RAD51B: variants seen among roughly 807,000 people sequenced by gnomAD.
RAD51B encodes the protein RAD51 paralog B.
Under a neutral mutation model 42.2 loss-of-function variants are expected in RAD51B, and 38 were observed. The observed-to-expected ratio is 0.90, with a 90% CI of 0.70 to 1.18. The LOEUF is 1.18. Ranked by LOEUF, RAD51B falls within the 50% of genes most tolerant of loss-of-function variation. RAD51B has a pLI of 0.00. For missense variants in RAD51B, 373 were observed against 400.7 expected, an observed-to-expected ratio of 0.93 and a Z score of 0.59; for synonymous variants, 154 against 145.2, an observed-to-expected ratio of 1.06 and a Z score of -0.43.
chr14:68,204,436 T>A (rs1318614945), intron 7 of RAD51B, among the ~76,000 whole-genome samples: 2 of 152,156 alleles, frequency 1.3e-5, no homozygotes, highest in African/African-American at 2.4e-5. Flanking sequence ...ACATCAAAGA[T>A]CACTGATCAC....
intron 10 of RAD51B, among the ~76,000 whole-genome samples, chr14:68,617,545 A>G (rs1004137587): frequency 1.3e-5 from 2 of 152,130 alleles, no homozygotes; most frequent in African/African-American, 4.8e-5. Flanking sequence ...CTTTTTTTAC[A>G]TGGTCCCCTC....
chr14:67,882,830 C>T (rs1413340583), intron 5 of RAD51B, among the ~76,000 whole-genome samples: 2 of 152,058 alleles, frequency 1.3e-5, no homozygotes, highest in African/African-American at 4.8e-5. Flanking sequence ...CTGCAACCTC[C>T]ATCTCCCAGA....
intron 7 of RAD51B, among the ~76,000 whole-genome samples, chr14:67,975,954 C>A (rs897282074): frequency 1.3e-5 from 2 of 152,154 alleles, no homozygotes; most frequent in African/African-American, 4.8e-5. Context: ...ATGCTTTATT[C>A]CCTCATCTGT....
chr14:68,579,047 G>A (rs1338882300), intron 10 of RAD51B, among the ~76,000 whole-genome samples: 2 of 152,186 alleles, frequency 1.3e-5, no homozygotes, highest in Non-Finnish European at 1.5e-5. Flanking sequence ...GTAGGGCCCA[G>A]AAGGGTCTCC....
At chr14:68,172,155 C>T (rs533473213) in intron 7 of RAD51B, among the ~76,000 whole-genome samples, 1 of 152,234 alleles carries the variant, frequency 6.6e-6, no homozygotes, top group East Asian at 1.9e-4. Flanking sequence ...TCAACTGTAC[C>T]TCCCTCAGTG....
intron 7 of RAD51B, among the ~76,000 whole-genome samples, chr14:67,993,738 C>G (rs532505563): frequency 6.6e-6 from 1 of 152,082 alleles, no homozygotes; most frequent in African/African-American, 2.4e-5. Flanking sequence ...CATATTGTAA[C>G]TCTATTTTTA....
intron 7 of RAD51B, among the ~76,000 whole-genome samples, chr14:68,042,668 A>G (rs902018399): frequency 1.3e-5 from 2 of 152,146 alleles, no homozygotes; most frequent in African/African-American, 4.8e-5. Context: ...CTTAGAGCAT[A>G]GAATAAACAT....
chr14:68,508,509 G>A (rs1885498919), intron 10 of RAD51B, among the ~76,000 whole-genome samples: 1 of 152,172 alleles, frequency 6.6e-6, no homozygotes, highest in Non-Finnish European at 1.5e-5. Context: ...AGCCAGCGTG[G>A]CACCCTGCTT....
intron 10 of RAD51B, among the ~76,000 whole-genome samples, chr14:68,552,956 C>A (rs1888652509): frequency 6.6e-6 from 1 of 152,140 alleles, no homozygotes; most frequent in African/African-American, 2.4e-5. Flanking sequence ...ATACTATGTG[C>A]TTATAGTAGA....
chr14:68,109,010 TG>T (rs2077420302), intron 7 of RAD51B, among the ~76,000 whole-genome samples: 1 of 151,980 alleles, frequency 6.6e-6, no homozygotes. Context: ...AGGCAAAAAC[TG>T]ATACAGAGCA....
At chr14:68,582,450 A>G (rs904498585) in intron 10 of RAD51B, among the ~76,000 whole-genome samples, 3 of 152,226 alleles carry the variant, frequency 2.0e-5, no homozygotes, top group East Asian at 3.8e-4. Flanking sequence ...CAAAACCACA[A>G]TGAGATACCA....
At chr14:68,616,535 A>G (rs10149709), downstream of RAD51B, among the ~76,000 whole-genome samples, 1,396 of 152,228 alleles carry the variant, frequency 9.2e-3, 23 homozygotes, top group African/African-American at 0.032. Context: ...TAATTTTAGT[A>G]ATTTATTATG....
At chr14:68,624,636 C>G (rs932343658) in intron 10 of RAD51B, among the ~76,000 whole-genome samples, 1 of 152,028 alleles carries the variant, frequency 6.6e-6, no homozygotes, top group African/African-American at 2.4e-5. Context: ...CCAAGCTTCT[C>G]CTAAGTTTCA....
intron 4 of RAD51B, among the ~76,000 whole-genome samples, chr14:67,836,015 G>A (rs1167177008): frequency 1.3e-5 from 2 of 152,152 alleles, no homozygotes; most frequent in African/African-American, 4.8e-5. Context: ...TTTACTTTCT[G>A]TTATAGATAA....
chr14:67,874,622 T>C (rs776954220), intron 5 of RAD51B, among the ~76,000 whole-genome samples: 13 of 152,260 alleles, frequency 8.5e-5, no homozygotes, highest in Non-Finnish European at 1.5e-4. Context: ...CAGGCAAAGA[T>C]CTAGATCCTC....
chr14:67,835,218 C>G, intron 4 of RAD51B, 22 bp downstream of exon 4: 1 of 1,536,768 alleles, frequency 6.5e-7, no homozygotes, highest in Non-Finnish European at 9.0e-7. Flanking sequence ...ATTTTTCGTA[C>G]CTTCTTCCAT....
intron 10 of RAD51B, among the ~76,000 whole-genome samples, chr14:68,522,488 T>C (rs1179395020): frequency 6.6e-6 from 1 of 152,220 alleles, no homozygotes; most frequent in Non-Finnish European, 1.5e-5. Flanking sequence ...CTCTCTGGAA[T>C]GGAGCCGCTG....
intron 7 of RAD51B, among the ~76,000 whole-genome samples, chr14:68,055,572 A>G (rs1342988744): frequency 6.6e-6 from 1 of 152,180 alleles, no homozygotes; most frequent in Non-Finnish European, 1.5e-5. Context: ...TAGTCCTTGT[A>G]TTACTGATCT....
At chr14:67,991,648 A>C (rs1000714147) in intron 7 of RAD51B, among the ~76,000 whole-genome samples, 2 of 152,234 alleles carry the variant, frequency 1.3e-5, no homozygotes. Context: ...CATTATATAT[A>C]TCAACAAAGA....
Sources: allele counts gnomAD v4.1 joint callset (sites outside exome capture counted in the v4.1 genomes callset), GRCh38; gene constraint gnomAD v4.1.1; transcripts MANE v1.5; gene names NCBI Gene and HGNC (gene_info 2026-07-23, HGNC 2026-07-21).